Variants in ADAM23 observed in about 807,000 individuals in gnomAD.
ADAM23 encodes ADAM metallopeptidase domain 23.
ADAM23 carries 33 observed loss-of-function variants against 120.1 expected under a neutral mutation model. The observed-to-expected ratio is 0.27, with a 90% CI of 0.21 to 0.37. The LOEUF is 0.37. ADAM23 is among the 10% of genes least tolerant of loss of function. The probability of loss-of-function intolerance (pLI) is 1.00; values close to 1 mark genes in which losing one functional copy is unlikely to be tolerated. For synonymous variants in ADAM23, 367 were observed against 375.2 expected (o/e 0.98, Z 0.25); for missense variants, 862 against 1,058.2 (o/e 0.81, Z 2.57).
chr2:206,564,656 G>T (rs937134874), intron 13 of ADAM23, among the ~76,000 whole-genome samples: 2 of 152,152 alleles, frequency 1.3e-5, no homozygotes, highest in African/African-American at 2.4e-5. Context: ...TTGCCTATGG[G>T]ACTCTCTCAT....
At chr2:206,471,171 TAGTG>T (rs1347428955) in intron 2 of ADAM23, among the ~76,000 whole-genome samples, 1 of 152,180 alleles carries the variant, frequency 6.6e-6, no homozygotes, top group Non-Finnish European at 1.5e-5. Context: ...AGTAATTTAT[TAGTG>T]AGGGAGAATT....
At chr2:206,446,113 G>A (rs1035925136) in intron 2 of ADAM23, among the ~76,000 whole-genome samples, 7 of 152,148 alleles carry the variant, frequency 4.6e-5, no homozygotes, top group Non-Finnish European at 8.8e-5. Context: ...TGCATAATAT[G>A]AAGACCAATT....
intron 18 of ADAM23, among the ~76,000 whole-genome samples, chr2:206,585,456 T>C (rs1574549747): frequency 6.6e-6 from 1 of 152,354 alleles, no homozygotes; most frequent in East Asian, 1.9e-4. Context: ...GAGAGTCAGT[T>C]ATTCTTTAGA....
chr2:206,536,713 CT>C lies in ADAM23; in HGVS notation c.574-5329del, dbSNP rs892456877. 4.3e-4 allele frequency among the ~76,000 whole-genome samples: 64 copies of C among 149,730 alleles called. 1 individual carries two copies. Among genetic ancestry groups the C allele is most frequent in the Non-Finnish European group, 6.4e-4 (43 of 67,198 alleles). On this transcript the variant is annotated intron_variant, in intron 4 of 25. Coordinates refer to ENST00000264377, the MANE Select transcript of ADAM23 (RefSeq NM_003812.4). ...TGTTGTATATTTTAGATATACACAACTTTTTTTTTTGAGACAGTGTCTCACT... is the reference window on the plus strand; with the variant it reads ...TGTTGTATATTTTAGATATACACAACTTTTTTTTTGAGACAGTGTCTCACT...
intron 25 of ADAM23, among the ~76,000 whole-genome samples, chr2:206,614,948 A>G (rs998525516): frequency 4.6e-5 from 7 of 152,106 alleles, no homozygotes; most frequent in African/African-American, 1.7e-4. Context: ...GCTGGCCAGG[A>G]AGATCGGTGC....
At chr2:206,504,836 G>T (rs1044711494) in intron 3 of ADAM23, among the ~76,000 whole-genome samples, 5 of 152,180 alleles carry the variant, frequency 3.3e-5, no homozygotes, top group African/African-American at 1.2e-4. Flanking sequence ...AATAGGGACA[G>T]TATTGCCTAT....
At chr2:206,446,582 G>A (rs1041263791) in intron 2 of ADAM23, among the ~76,000 whole-genome samples, 1 of 151,910 alleles carries the variant, frequency 6.6e-6, no homozygotes, top group Non-Finnish European at 1.5e-5. Context: ...AAGGCTTTTG[G>A]GTGATTTTCC....
At chr2:206,599,743 G>A (rs1364291079) in intron 24 of ADAM23, among the ~76,000 whole-genome samples, 1 of 152,198 alleles carries the variant, frequency 6.6e-6, no homozygotes, top group African/African-American at 2.4e-5. Flanking sequence ...ATATGCAAAG[G>A]AAATGAGATG....
intron 23 of ADAM23, 80 bp downstream of exon 23, chr2:206,594,985 C>T: frequency 1.9e-6 from 3 of 1,543,236 alleles, no homozygotes; most frequent in Non-Finnish European, 2.6e-6. Context: ...TTCAGCCATT[C>T]TCCTAGCCAA....
At chr2:206,521,908 T>C (rs1696850896) in intron 3 of ADAM23, among the ~76,000 whole-genome samples, 1 of 152,220 alleles carries the variant, frequency 6.6e-6, no homozygotes, top group African/African-American at 2.4e-5. Context: ...CAGTGGCTAC[T>C]GTCATTCATT....
intron 2 of ADAM23, among the ~76,000 whole-genome samples, chr2:206,445,748 C>G (rs1695071175): frequency 6.6e-6 from 1 of 152,168 alleles, no homozygotes; most frequent in African/African-American, 2.4e-5. Flanking sequence ...TTTCTGATAC[C>G]TGAAATGATA....
intron 19 of ADAM23, 61 bp downstream of exon 19, chr2:206,587,436 T>C (rs1457272289): frequency 1.0e-6 from 1 of 954,592 alleles, no homozygotes; most frequent in Admixed American, 2.4e-5. Flanking sequence ...AGTTTTTTTT[T>C]CCTTTTTTGA....
At chr2:206,511,194 G>A (rs971702280) in intron 3 of ADAM23, among the ~76,000 whole-genome samples, 4 of 151,906 alleles carry the variant, frequency 2.6e-5, no homozygotes, top group Non-Finnish European at 4.4e-5. Context: ...TTTGCCAGCT[G>A]CCTTTTCATG....
intron 3 of ADAM23, among the ~76,000 whole-genome samples, chr2:206,486,091 G>T (rs1696006717): frequency 6.6e-6 from 1 of 152,256 alleles, no homozygotes; most frequent in African/African-American, 2.4e-5. Context: ...GGCGATGAAG[G>T]ACTGTGGTCC....
At chr2:206,599,922 C>G (rs1698603922) in intron 24 of ADAM23, among the ~76,000 whole-genome samples, 1 of 152,176 alleles carries the variant, frequency 6.6e-6, no homozygotes, top group South Asian at 2.1e-4. Context: ...CATGTTGTGG[C>G]CGGGCACGGT....
chr2:206,602,728 A>G (rs555075738), intron 24 of ADAM23, among the ~76,000 whole-genome samples: 14 of 152,322 alleles, frequency 9.2e-5, no homozygotes, highest in African/African-American at 3.1e-4. Context: ...TGACATGTCT[A>G]TAAAGGAATT....
At chr2:206,535,452 C>G (rs1388626941) in intron 4 of ADAM23, among the ~76,000 whole-genome samples, 1 of 152,158 alleles carries the variant, frequency 6.6e-6, no homozygotes, top group Non-Finnish European at 1.5e-5. Flanking sequence ...AGTTCTACTC[C>G]TAGGCATATA....
At chr2:206,539,858 A>G (rs951165862) in intron 4 of ADAM23, among the ~76,000 whole-genome samples, 3 of 152,240 alleles carry the variant, frequency 2.0e-5, no homozygotes, top group Admixed American at 2.0e-4. Flanking sequence ...GTAATAAAAA[A>G]ATCAGAAAAT....
chr2:206,537,298 A>G (rs985866475), intron 4 of ADAM23, among the ~76,000 whole-genome samples: 2 of 152,148 alleles, frequency 1.3e-5, no homozygotes, highest in Non-Finnish European at 2.9e-5. Context: ...TGGCAGCAGG[A>G]GAGCATGGAT....
Sources: allele counts gnomAD v4.1 joint callset (sites outside exome capture counted in the v4.1 genomes callset), GRCh38; gene constraint gnomAD v4.1.1; transcripts MANE v1.5; gene names NCBI Gene and HGNC (gene_info 2026-07-23, HGNC 2026-07-21).